NRG3: variants seen among roughly 807,000 people sequenced by gnomAD.
The protein encoded by NRG3 is pro-neuregulin-3, membrane-bound isoform.
NRG3 carries 31 observed loss-of-function variants against 66.9 expected under a neutral mutation model. That is an observed-to-expected ratio of 0.46 (90% CI 0.35 to 0.63). NRG3 has a LOEUF of 0.63. NRG3 is among the 20% of genes least tolerant of loss of function. The pLI is 0.00. For missense variants in NRG3, 910 were observed against 878.9 expected (o/e 1.04, Z -0.45); for synonymous variants, 393 against 359.4 (o/e 1.09, Z -1.06).
At chr10:82,551,807 T>G (rs1417164833) in intron 2 of NRG3, among the ~76,000 whole-genome samples, 1 of 152,166 alleles carries the variant, frequency 6.6e-6, no homozygotes, top group African/African-American at 2.4e-5. Flanking sequence ...TTTATAGTAC[T>G]TGCTGCCTTA....
intron 1 of NRG3, among the ~76,000 whole-genome samples, chr10:82,097,424 A>AATATATATATATATATATCTGTAAT (rs1564558865): frequency 7.9e-5 from 11 of 139,998 alleles, no homozygotes; most frequent in African/African-American, 3.0e-4. Context: ...ATATATCTGT[A>AATATATATATATATATATCTGTAAT]ATATATATAT....
intron 1 of NRG3, among the ~76,000 whole-genome samples, chr10:81,957,004 T>C (rs927140078): frequency 6.6e-6 from 1 of 152,222 alleles, no homozygotes; most frequent in Non-Finnish European, 1.5e-5. Context: ...GTGGGATTGC[T>C]CCTGGGTCTG....
intron 2 of NRG3, among the ~76,000 whole-genome samples, chr10:82,462,414 A>G (rs1193736354): frequency 6.6e-6 from 1 of 152,044 alleles, no homozygotes; most frequent in East Asian, 1.9e-4. Context: ...ATATATTTAT[A>G]TTACTCATAA....
intron 2 of NRG3, among the ~76,000 whole-genome samples, chr10:82,403,866 T>A (rs1237913829): frequency 6.6e-6 from 1 of 152,118 alleles, no homozygotes; most frequent in Non-Finnish European, 1.5e-5. Context: ...TAGGTCGTAG[T>A]TTTCCCATCT....
intron 1 of NRG3, among the ~76,000 whole-genome samples, chr10:82,259,409 C>T (rs905865478): frequency 6.6e-6 from 1 of 152,068 alleles, no homozygotes; most frequent in African/African-American, 2.4e-5. Flanking sequence ...CCCAGCGCAC[C>T]TGACACCAAG....
chr10:82,499,379 GAC>G (rs909603489), intron 2 of NRG3, among the ~76,000 whole-genome samples: 7 of 152,254 alleles, frequency 4.6e-5, no homozygotes, highest in African/African-American at 1.7e-4. Context: ...AGCAATTACA[GAC>G]AAACCTTTCT....
At chr10:82,601,249 G>T (rs1305403855) in intron 2 of NRG3, among the ~76,000 whole-genome samples, 1 of 152,184 alleles carries the variant, frequency 6.6e-6, no homozygotes, top group Admixed American at 6.5e-5. Context: ...GTACTGTGAT[G>T]AATATGCTAG....
At chr10:82,449,190 G>A (rs572676912) in intron 2 of NRG3, among the ~76,000 whole-genome samples, 12 of 152,234 alleles carry the variant, frequency 7.9e-5, no homozygotes, top group Non-Finnish European at 1.6e-4. Context: ...AGATGATGCA[G>A]TGAGCTAAGG....
intron 1 of NRG3, among the ~76,000 whole-genome samples, chr10:81,911,632 T>C (rs1845174083): frequency 7.4e-6 from 1 of 134,924 alleles, no homozygotes; most frequent in Admixed American, 7.4e-5. Flanking sequence ...TTTTTTTTGA[T>C]GAGACTACAA....
In NRG3 at chr10:82,884,168, A is replaced by G. The variant is rs755223649; in HGVS notation, c.1054+18731A>G. Among the ~76,000 whole-genome samples, 122 of 152,212 alleles carry G rather than the reference A, an allele frequency of 8.0e-4. 1 individual carries two copies. Among genetic ancestry groups the G allele is most frequent in the Admixed American group, 2.5e-3 (39 of 15,298 alleles). On this transcript the variant is annotated intron_variant, in intron 4 of 8. Coordinates refer to ENST00000372141, the MANE Select transcript of NRG3 (RefSeq NM_001010848.4). ...CATTAAAAATTTCCCTTGGGGGGAA[A>G]AAAAAGATGTTTGTCTTACATAACT...
intron 1 of NRG3, among the ~76,000 whole-genome samples, chr10:82,019,102 T>C (rs907889574): frequency 2.6e-5 from 4 of 152,186 alleles, no homozygotes; most frequent in Non-Finnish European, 5.9e-5. Flanking sequence ...TATTTTGAGA[T>C]ATGTCCCATC....
At chr10:82,883,507 A>G (rs570595470) in intron 4 of NRG3, among the ~76,000 whole-genome samples, 3 of 152,258 alleles carry the variant, frequency 2.0e-5, no homozygotes, top group Non-Finnish European at 4.4e-5. Context: ...CTTGTCTGTA[A>G]GACAGGGCTA....
chr10:82,724,898 G>A (rs1432949745), intron 2 of NRG3, among the ~76,000 whole-genome samples: 1 of 151,930 alleles, frequency 6.6e-6, no homozygotes, highest in Non-Finnish European at 1.5e-5. Context: ...CCTGATCAAG[G>A]TACGTACTGT....
chr10:82,629,835 A>T (rs1357840007), intron 2 of NRG3, among the ~76,000 whole-genome samples: 1 of 152,212 alleles, frequency 6.6e-6, no homozygotes. Context: ...GATAGTCTTG[A>T]CAATAAGGAC....
At chr10:82,132,483 T>TATATATCATATATATATATC (rs1564593396) in intron 1 of NRG3, among the ~76,000 whole-genome samples, 5 of 102,726 alleles carry the variant, frequency 4.9e-5, no homozygotes, top group Non-Finnish European at 5.1e-5. Context: ...ATATATGATA[T>TATATATCATATATATATATC]ATATATATGA....
intron 2 of NRG3, among the ~76,000 whole-genome samples, chr10:82,572,258 T>G (rs1488415228): frequency 6.6e-6 from 1 of 151,696 alleles, no homozygotes; most frequent in African/African-American, 2.4e-5. Context: ...GAATCTATCC[T>G]TATTAAGCTG....
chr10:82,525,270 C>G (rs1846590006), intron 2 of NRG3, among the ~76,000 whole-genome samples: 1 of 151,660 alleles, frequency 6.6e-6, no homozygotes, highest in South Asian at 2.1e-4. Context: ...TGCTTTTACT[C>G]TGGAAAAAAA....
chr10:81,960,081 T>C (rs1227946463), intron 1 of NRG3, among the ~76,000 whole-genome samples: 4 of 152,218 alleles, frequency 2.6e-5, no homozygotes, highest in Non-Finnish European at 2.9e-5. Context: ...TGTTAATTAC[T>C]GTAACTTCTT....
chr10:81,987,475 A>T (rs2060571199), intron 1 of NRG3, among the ~76,000 whole-genome samples: 1 of 152,234 alleles, frequency 6.6e-6, no homozygotes, highest in Non-Finnish European at 1.5e-5. Context: ...AATGACTGCT[A>T]TATTGATACA....
Sources: allele counts gnomAD v4.1 joint callset (sites outside exome capture counted in the v4.1 genomes callset), GRCh38; gene constraint gnomAD v4.1.1; transcripts MANE v1.5; gene names NCBI Gene and HGNC (gene_info 2026-07-23, HGNC 2026-07-21).